The following VAT1L variants were observed in gnomAD, a reference collection of about 807,000 sequenced individuals.
The protein encoded by VAT1L is vesicle amine transport 1 like, also known as putative NADPH-dependent quinone oxidoreductase VAT1L.
In VAT1L, 34 loss-of-function variants were observed where a neutral mutation model predicts 44.1. The observed-to-expected ratio is 0.77, with a 90% CI of 0.59 to 1.03. The LOEUF (loss-of-function observed/expected upper bound fraction) is 1.03, where lower values mean the gene tolerates loss of function less well. VAT1L is among the 50% of genes least tolerant of loss of function. The pLI is 0.00. For synonymous variants in VAT1L, 253 were observed against 202.2 expected, an observed-to-expected ratio of 1.25 and a Z score of -2.13; for missense variants, 615 against 538.8, an observed-to-expected ratio of 1.14 and a Z score of -1.40.
At chr16:77,959,210 C>G (rs1355256806) in intron 7 of VAT1L, among the ~76,000 whole-genome samples, 1 of 152,138 alleles carries the variant, frequency 6.6e-6, no homozygotes, top group Non-Finnish European at 1.5e-5. Context: ...TGTTTGAATC[C>G]TTTCTCTACC....
chr16:77,927,971 C>G (rs1392013057), intron 7 of VAT1L, among the ~76,000 whole-genome samples: 1 of 152,160 alleles, frequency 6.6e-6, no homozygotes, highest in Non-Finnish European at 1.5e-5. Flanking sequence ...GCATGGAAAT[C>G]AAAAGTCATT....
rs1282482367 is a variant in VAT1L, at chr16:77,788,639, C to A, written c.-44C>A. 2.6e-6 allele frequency: 4 copies of A among 1,540,942 alleles called. 2 individuals are homozygous for A. In the Admixed American group the frequency reaches 8.0e-5, roughly 31 times the overall value. ...AGCCCCACTCCCCCAGCGCCGCAGC[C>A]ACCGCAGCCACCGCAGCCCGTGCGC... On this transcript the variant is annotated 5_prime_UTR_variant, in exon 1 of 9. Coordinates refer to ENST00000302536, the MANE Select transcript of VAT1L (RefSeq NM_020927.3).
chr16:77,937,972 G>A (rs1011449060), intron 7 of VAT1L, among the ~76,000 whole-genome samples: 1 of 152,228 alleles, frequency 6.6e-6, no homozygotes, highest in Non-Finnish European at 1.5e-5. Flanking sequence ...CTGGGAAAAC[G>A]TGTTTCCTGC....
intron 1 of VAT1L, among the ~76,000 whole-genome samples, chr16:77,805,261 A>T (rs189750081): frequency 6.6e-6 from 1 of 152,194 alleles, no homozygotes; most frequent in Non-Finnish European, 1.5e-5. Flanking sequence ...CTTTCCTAGC[A>T]AATTTGTGTC....
intron 8 of VAT1L, among the ~76,000 whole-genome samples, chr16:77,975,266 G>A (rs112670712): frequency 1.0e-3 from 134 of 133,850 alleles, no homozygotes; most frequent in African/African-American, 3.5e-3. Context: ...CTGGAGTGCA[G>A]TGGTGTGATC....
chr16:77,856,289 T>G (rs968567794), intron 3 of VAT1L, among the ~76,000 whole-genome samples: 3 of 152,122 alleles, frequency 2.0e-5, no homozygotes, highest in African/African-American at 7.2e-5. Flanking sequence ...GTATTTACAT[T>G]ATAGACATTT....
intron 7 of VAT1L, among the ~76,000 whole-genome samples, chr16:77,962,648 C>G (rs2142536018): frequency 6.6e-6 from 1 of 151,634 alleles, no homozygotes; most frequent in African/African-American, 2.4e-5. Flanking sequence ...ATCAGGAGGC[C>G]AAGGCAGGAG....
At chr16:77,902,732 T>TTCG (rs60274726) in intron 7 of VAT1L, among the ~76,000 whole-genome samples, 1 of 106,962 alleles carries the variant, frequency 9.3e-6, no homozygotes, top group Non-Finnish European at 1.8e-5. Context: ...GATGGGGGGG[T>TTCG]GGGGGGGGTG....
chr16:77,891,916 C>CA (rs1327521197), intron 7 of VAT1L, among the ~76,000 whole-genome samples: 2 of 152,150 alleles, frequency 1.3e-5, no homozygotes, highest in South Asian at 2.1e-4. Flanking sequence ...ACTAAGAATA[C>CA]AAAAAATTAG....
At chr16:77,908,654 G>A (rs924014131) in intron 7 of VAT1L, among the ~76,000 whole-genome samples, 7 of 151,904 alleles carry the variant, frequency 4.6e-5, no homozygotes, top group South Asian at 2.1e-4. Context: ...GGTGACTCAC[G>A]CCCGTAATCT....
intron 3 of VAT1L, among the ~76,000 whole-genome samples, chr16:77,846,526 A>T (rs150018835): frequency 1.3e-5 from 2 of 152,204 alleles, no homozygotes; most frequent in African/African-American, 4.8e-5. Flanking sequence ...GCCAGTCTCT[A>T]TGCAAACATT....
intron 7 of VAT1L, among the ~76,000 whole-genome samples, chr16:77,929,700 TTAAA>T (rs1394725305): frequency 6.6e-6 from 1 of 152,198 alleles, no homozygotes; most frequent in Non-Finnish European, 1.5e-5. Flanking sequence ...CACTACATGC[TTAAA>T]TACTCACAAG....
At chr16:77,826,173 C>T (rs1469038505) in intron 3 of VAT1L, among the ~76,000 whole-genome samples, 1 of 148,588 alleles carries the variant, frequency 6.7e-6, no homozygotes, top group Non-Finnish European at 1.5e-5. Flanking sequence ...CGCCACTGCA[C>T]TCCAGCCTGG....
Position 77,817,069 on chromosome 16 carries a change from T to G in VAT1L, c.363+19T>G, listed in dbSNP as rs2966053. The G allele has an allele frequency of 3.7e-6, 6 of 1,607,164 alleles. No individual in the cohort carries two copies. The highest frequency in any genetic ancestry group is 5.1e-6 in the Non-Finnish European group (6 of 1,177,782). ...ATATGAGGTAATGTTTGGCTCTCAA[T>G]TGAAGAGTAATATTCATTTGGAATC... is the stretch of plus-strand genomic sequence containing the variant. On this transcript the variant is annotated intron_variant, in intron 2 of 8. Coordinates refer to ENST00000302536, the MANE Select transcript of VAT1L (RefSeq NM_020927.3).
chr16:77,840,318 G>T (rs1028857578), intron 3 of VAT1L, among the ~76,000 whole-genome samples: 1 of 152,196 alleles, frequency 6.6e-6, no homozygotes, highest in Admixed American at 6.5e-5. Context: ...GGGCACACGT[G>T]AATGGTTATT....
In VAT1L at chr16:77,977,932, C is replaced by G; in HGVS notation, c.*237C>G. ...TTACACATTCCCCTCTCCCCTGTAT[C>G]AAAACCATCCATCTGTGGGTTCTTC... On this transcript the variant is annotated 3_prime_UTR_variant, in exon 9 of 9. Transcript: ENST00000302536. The G allele has an allele frequency of 2.2e-6, 1 of 459,746 alleles. No homozygotes were observed. The highest frequency in any genetic ancestry group is 2.3e-5 in the South Asian group (1 of 42,952). 28.5% of individuals were successfully genotyped at this position (459,746 alleles called of 1,614,324 possible).
intron 6 of VAT1L, among the ~76,000 whole-genome samples, chr16:77,883,798 C>T (rs1432455503): frequency 1.3e-5 from 2 of 152,120 alleles, no homozygotes; most frequent in Non-Finnish European, 2.9e-5. Context: ...GATCCCTACC[C>T]GCCTCCCCAG....
At chr16:77,868,308 T>C (rs568605186) in intron 4 of VAT1L, among the ~76,000 whole-genome samples, 1 of 152,252 alleles carries the variant, frequency 6.6e-6, no homozygotes, top group African/African-American at 2.4e-5. Context: ...CCATTGTAAA[T>C]GGAGTACCAT....
chr16:77,821,108 T>C (rs2016445700), intron 2 of VAT1L, among the ~76,000 whole-genome samples: 1 of 152,128 alleles, frequency 6.6e-6, no homozygotes, highest in African/African-American at 2.4e-5. Flanking sequence ...CATCAACCCA[T>C]CACTCACTAT....
Sources: allele counts gnomAD v4.1 joint callset (sites outside exome capture counted in the v4.1 genomes callset), GRCh38; gene constraint gnomAD v4.1.1; transcripts MANE v1.5; gene names NCBI Gene and HGNC (gene_info 2026-07-23, HGNC 2026-07-21).